Variants in IQCM observed in about 807,000 individuals in gnomAD.
IQCM encodes IQ motif containing M.
IQCM carries 45 observed loss-of-function variants against 57.6 expected under a neutral mutation model. That is an observed-to-expected ratio of 0.78 (90% CI 0.62 to 1.00). The LOEUF (loss-of-function observed/expected upper bound fraction) is 1.00, where lower values mean the gene tolerates loss of function less well. IQCM is among the 50% of genes least tolerant of loss of function. IQCM has a pLI of 0.00. For missense variants in IQCM, 468 were observed against 511.6 expected, an observed-to-expected ratio of 0.91 and a Z score of 0.82; for synonymous variants, 148 against 158.9, an observed-to-expected ratio of 0.93 and a Z score of 0.51.
intron 10 of IQCM, among the ~76,000 whole-genome samples, chr4:149,554,697 C>A (rs1484288722): frequency 1.6e-5 from 1 of 61,626 alleles, no homozygotes; most frequent in Non-Finnish European, 3.1e-5. Flanking sequence ...TTTTTCTTTT[C>A]TTTTCTTTCT....
intron 2 of IQCM, among the ~76,000 whole-genome samples, chr4:149,772,935 A>C (rs573560857): frequency 6.6e-6 from 1 of 152,348 alleles, no homozygotes; most frequent in South Asian, 2.1e-4. Flanking sequence ...AACACTTGAA[A>C]GCCTGTTGTA....
intron 13 of IQCM, among the ~76,000 whole-genome samples, chr4:149,413,178 A>C (rs888890198): frequency 6.6e-6 from 1 of 152,226 alleles, no homozygotes; most frequent in Admixed American, 6.5e-5. Context: ...CCTACCTAAT[A>C]GTTCATTCTA....
intron 12 of IQCM, among the ~76,000 whole-genome samples, chr4:149,543,055 T>A (rs1279593489): frequency 6.8e-6 from 1 of 147,274 alleles, no homozygotes; most frequent in African/African-American, 2.4e-5. Context: ...TATGAAACTG[T>A]TAATTTGAAA....
rs185322695 is a variant in IQCM, at chr4:149,698,417, A to G, written c.386-11949T>C. ...CCAATAAATGTTTGCTGAATAAATG[A>G]ATGAAACTCAGCCAAGAACTGAGGG... On this transcript the variant is annotated intron_variant, in intron 5 of 13. Coordinates refer to ENST00000636793, the MANE Select transcript of IQCM (RefSeq NM_001363507.2). Among the ~76,000 whole-genome samples, 126 of 152,218 alleles carry G rather than the reference A, an allele frequency of 8.3e-4. 1 individual carries two copies. The highest frequency in any genetic ancestry group is 3.0e-3 in the African/African-American group (123 of 41,552).
intron 5 of IQCM, among the ~76,000 whole-genome samples, chr4:149,701,514 C>T (rs1240735970): frequency 6.6e-6 from 1 of 151,964 alleles, no homozygotes; most frequent in Non-Finnish European, 1.5e-5. Context: ...TTTTTTGTAG[C>T]ATTAATCATG....
intron 10 of IQCM, among the ~76,000 whole-genome samples, chr4:149,553,659 C>T (rs1263928692): frequency 6.6e-6 from 1 of 152,190 alleles, no homozygotes; most frequent in East Asian, 1.9e-4. Context: ...AAGCAGTCCA[C>T]TCTGGGTGCT....
At chr4:149,659,568 T>C (rs1202376849) in intron 7 of IQCM, among the ~76,000 whole-genome samples, 1 of 152,238 alleles carries the variant, frequency 6.6e-6, no homozygotes, top group East Asian at 1.9e-4. Context: ...TCACACTACC[T>C]GACTTCAAAC....
chr4:149,487,451 C>T (rs1037201224), intron 12 of IQCM, among the ~76,000 whole-genome samples: 3 of 152,144 alleles, frequency 2.0e-5, no homozygotes, highest in Non-Finnish European at 4.4e-5. Flanking sequence ...CTCCCTGTCA[C>T]GTGCCACCTT....
chr4:149,394,920 G>T (rs1197383099), intron 13 of IQCM, among the ~76,000 whole-genome samples: 1 of 151,982 alleles, frequency 6.6e-6, no homozygotes, highest in African/African-American at 2.4e-5. Flanking sequence ...TTGATAAGCA[G>T]TTACACTGCC....
At chr4:149,755,412 A>C (rs1007305020) in intron 2 of IQCM, among the ~76,000 whole-genome samples, 1 of 152,128 alleles carries the variant, frequency 6.6e-6, no homozygotes, top group Admixed American at 6.5e-5. Flanking sequence ...GGAGCCAAAC[A>C]GCTTTCTTTC....
intron 13 of IQCM, among the ~76,000 whole-genome samples, chr4:149,423,098 C>G (rs1734225958): frequency 6.6e-6 from 1 of 151,966 alleles, no homozygotes; most frequent in African/African-American, 2.4e-5. Flanking sequence ...TGGAATGTCT[C>G]TGTATAAGTC....
At chr4:149,560,404 C>T (rs1263368607) in intron 10 of IQCM, among the ~76,000 whole-genome samples, 1 of 151,700 alleles carries the variant, frequency 6.6e-6, no homozygotes, top group African/African-American at 2.4e-5. Context: ...ACATTTTTAG[C>T]CAATAGCAAT....
intron 12 of IQCM, among the ~76,000 whole-genome samples, chr4:149,498,746 C>T (rs1742930899): frequency 6.6e-6 from 1 of 152,234 alleles, no homozygotes; most frequent in African/African-American, 2.4e-5. Flanking sequence ...ATACCATGGT[C>T]CACCTTCAAG....
intron 9 of IQCM, among the ~76,000 whole-genome samples, chr4:149,580,397 G>A (rs906412723): frequency 5.3e-5 from 8 of 151,826 alleles, no homozygotes; most frequent in African/African-American, 1.2e-4. Context: ...TGGATGTTGG[G>A]TGAGGACTTA....
chr4:149,783,142 G>C (rs1771766915), intron 2 of IQCM, among the ~76,000 whole-genome samples: 1 of 152,072 alleles, frequency 6.6e-6, no homozygotes, highest in Non-Finnish European at 1.5e-5. Context: ...ATCTCCACTT[G>C]GCTATCTAAC....
At chr4:149,776,239 A>C (rs1017885799) in intron 2 of IQCM, among the ~76,000 whole-genome samples, 2 of 152,186 alleles carry the variant, frequency 1.3e-5, no homozygotes, top group Non-Finnish European at 2.9e-5. Flanking sequence ...TAACTATGGC[A>C]CACAATGCTT....
At chr4:149,597,644 G>A (rs1397917611) in intron 8 of IQCM, among the ~76,000 whole-genome samples, 20 of 152,134 alleles carry the variant, frequency 1.3e-4, no homozygotes, top group Admixed American at 1.3e-3. Context: ...GCCTGCCTCA[G>A]CCTCCCAAAG....
chr4:149,601,652 G>C (rs933028300), intron 8 of IQCM, among the ~76,000 whole-genome samples: 3 of 152,088 alleles, frequency 2.0e-5, no homozygotes, highest in African/African-American at 7.2e-5. Context: ...AATAAAATGA[G>C]GGTCAACATT....
At chr4:149,785,284 G>C (rs1458179980) in intron 2 of IQCM, among the ~76,000 whole-genome samples, 2 of 152,178 alleles carry the variant, frequency 1.3e-5, no homozygotes, top group Non-Finnish European at 2.9e-5. Context: ...CTTTGAGACT[G>C]AGGCAGCTGA....
Sources: allele counts gnomAD v4.1 joint callset (sites outside exome capture counted in the v4.1 genomes callset), GRCh38; gene constraint gnomAD v4.1.1; transcripts MANE v1.5; gene names NCBI Gene and HGNC (gene_info 2026-07-23, HGNC 2026-07-21).